Variants in TRIM62 observed in about 807,000 individuals in gnomAD.
TRIM62 encodes E3 ubiquitin-protein ligase TRIM62.
Under a neutral mutation model 44.2 loss-of-function variants are expected in TRIM62, and 39 were observed. The ratio of observed to expected loss-of-function variants is 0.88; its 90% CI spans 0.68 to 1.15. The LOEUF (loss-of-function observed/expected upper bound fraction) is 1.15. Among genes scored for constraint, TRIM62 ranks in the 50% most tolerant of loss-of-function variants. The probability of loss-of-function intolerance (pLI) is 0.00; values close to 1 mark genes in which losing one functional copy is unlikely to be tolerated. For synonymous variants in TRIM62, 278 were observed against 292.3 expected, an observed-to-expected ratio of 0.95 and a Z score of 0.50; for missense variants, 544 against 665.5, an observed-to-expected ratio of 0.82 and a Z score of 2.01.
At position 33,146,581 on chromosome 1, in the gene TRIM62, C is replaced by T. The variant is rs560534886; in HGVS notation, c.*596G>A. On this transcript the variant is annotated 3_prime_UTR_variant, in exon 5 of 5. Transcript: ENST00000291416. Reference sequence around the variant, plus strand: ...CAACTACCAGGTGCCTTCCACAGGCCACAGCATCATCACTGACCAGCAGAT... The same window carrying T: ...CAACTACCAGGTGCCTTCCACAGGCTACAGCATCATCACTGACCAGCAGAT... The T allele has an allele frequency of 1.4e-4, 22 of 161,050 alleles. No individual in the cohort carries two copies. The South Asian group carries it at 3.8e-3, about 28-fold the overall frequency. 10.0% of individuals were successfully genotyped at this position (161,050 alleles called of 1,614,324 possible).
chr1:33,154,160 C>T (rs966405262), intron 4 of TRIM62, among the ~76,000 whole-genome samples: 1 of 152,186 alleles, frequency 6.6e-6, no homozygotes, highest in African/African-American at 2.4e-5. Flanking sequence ...GAATATGGCT[C>T]ATTTAAGATC....
chr1:33,156,843 GTCT>G (rs1167572449), intron 4 of TRIM62, among the ~76,000 whole-genome samples: 1 of 151,964 alleles, frequency 6.6e-6, no homozygotes, highest in East Asian at 1.9e-4. Context: ...TATCTCCCTC[GTCT>G]TCTTTCTTTC....
At chr1:33,175,557 T>G (rs1214170417) in intron 1 of TRIM62, among the ~76,000 whole-genome samples, 1 of 152,198 alleles carries the variant, frequency 6.6e-6, no homozygotes, top group Non-Finnish European at 1.5e-5. Context: ...AGATGGTTTC[T>G]CAGGTTCCTC....
Position 33,158,254 on chromosome 1 carries a change from T to C in TRIM62, c.876A>G (p.Pro292=). 6.2e-7 allele frequency: 1 copy of C among 1,613,684 alleles called. No homozygotes were observed. Among genetic ancestry groups the C allele is most frequent in the Non-Finnish European group, 8.5e-7 (1 of 1,179,674 alleles). Residue 292 remains proline (P), a splice_region_variant and synonymous_variant, in exon 4 of 5, where the codon CCA becomes CCG. Transcript: ENST00000291416. The stretch of plus-strand genomic sequence containing the variant: ...GGACCATGATAACCCATGCCTTACC[T>C]GGGTGGATGTCCTGGAACAGGGACT... ...IWKSLFQDIH[P]VPAALTLDPG... is the part of the protein sequence containing the mutation.
chr1:33,155,773 C>T (rs1645169765), intron 4 of TRIM62, among the ~76,000 whole-genome samples: 1 of 152,214 alleles, frequency 6.6e-6, no homozygotes, highest in African/African-American at 2.4e-5. Flanking sequence ...GACTCAGGAA[C>T]ACACAGGGTT....
At chr1:33,148,736 G>A (rs939196335) in intron 4 of TRIM62, among the ~76,000 whole-genome samples, 3 of 152,210 alleles carry the variant, frequency 2.0e-5, no homozygotes, top group East Asian at 3.9e-4. Context: ...TTATAAAAAG[G>A]TTATATTATC....
chr1:33,154,822 G>A (rs1229280084), intron 4 of TRIM62, among the ~76,000 whole-genome samples: 3 of 148,910 alleles, frequency 2.0e-5, no homozygotes, highest in South Asian at 2.1e-4. Context: ...GGCCAGGCGC[G>A]GTGATTCACG....
At chr1:33,163,776 G>A (rs1427568370) in intron 2 of TRIM62, 1 of 152,444 alleles carries the variant, frequency 6.6e-6, no homozygotes, top group Non-Finnish European at 1.5e-5. Flanking sequence ...AGGCGCAGCA[G>A]GAAAGCCGAG....
Position 33,181,472 on chromosome 1 carries a change from G to T in TRIM62, c.-40C>A, listed in dbSNP as rs1438567856. 1 of 1,543,156 alleles carries T rather than the reference G, an allele frequency of 6.5e-7. No individual in the cohort carries two copies. The highest frequency in any genetic ancestry group is 2.0e-5 in the Admixed American group (1 of 49,420). ...CAGAGAGGGGGGCCCGAGGGGCAGG[G>T]GGGCGGCTGAGAGAGCGCGGCGCTG... On this transcript the variant is annotated 5_prime_UTR_variant, in exon 1 of 5. Transcript: ENST00000291416. This position sits in a 1 kb window ranked among gnomAD's most constrained non-coding sequence, Gnocchi z 6.5.
chr1:33,174,943 G>GCACACACACA (rs1412478876), intron 1 of TRIM62, among the ~76,000 whole-genome samples: 7 of 19,088 alleles, frequency 3.7e-4, no homozygotes, highest in African/African-American at 8.1e-4. Context: ...ACATATATGT[G>GCACACACACA]TGTATATATA....
At chr1:33,169,017 TC>T (rs11287865) in intron 1 of TRIM62, among the ~76,000 whole-genome samples, 113,569 of 152,008 alleles carry the variant, frequency 0.75, 42,523 homozygotes, top group African/African-American at 0.78. Flanking sequence ...TCCTCCTGGA[TC>T]CCGGGAGAAT....
At position 33,165,295 on chromosome 1, in the gene TRIM62, T is replaced by A; in HGVS notation, c.504+176A>T. ...TGGGGTGGGTGCCGCCCCATTGAAC[T>A]TCACGGATGCCCTACCCTCTTCCCC... On this transcript the variant is annotated intron_variant, in intron 2 of 4. Transcript: ENST00000291416. The surrounding 1 kb of genome is among the most constrained non-coding windows in gnomAD (Gnocchi z 4.0). 1.8e-6 allele frequency: 1 copy of A among 556,610 alleles called. No homozygotes were observed. The highest frequency in any genetic ancestry group is 3.2e-6 in the Non-Finnish European group (1 of 317,324). 34.5% of individuals were successfully genotyped at this position (556,610 alleles called of 1,614,324 possible).
chr1:33,172,456 G>T (rs1471586139), intron 1 of TRIM62, among the ~76,000 whole-genome samples: 4 of 152,046 alleles, frequency 2.6e-5, no homozygotes, highest in Non-Finnish European at 5.9e-5. Flanking sequence ...AGCTGGAAAG[G>T]CCAGCTGGGG....
intron 1 of TRIM62, among the ~76,000 whole-genome samples, chr1:33,172,400 T>C (rs1645381556): frequency 1.3e-5 from 2 of 151,428 alleles, no homozygotes; most frequent in South Asian, 4.2e-4. Context: ...GTCGGGGTGG[T>C]TGGGGATGGC....
intron 1 of TRIM62, among the ~76,000 whole-genome samples, chr1:33,174,958 TATATATATATAC>T (rs1260310902): frequency 2.2e-4 from 32 of 146,386 alleles, no homozygotes; most frequent in African/African-American, 8.2e-4. Context: ...TATATATATA[TATATATATATAC>T]ACACATATAC....
At position 33,159,746 on chromosome 1, in the gene TRIM62, G is replaced by T. The variant is rs760519090; in HGVS notation, c.703C>A (p.Arg235=). 47 of 1,612,892 alleles carry T rather than the reference G, an allele frequency of 2.9e-5. No individual in the cohort carries two copies. The highest frequency in any genetic ancestry group is 4.0e-5 in the Non-Finnish European group (47 of 1,179,798). The change falls in exon 3 of 5, where the codon CGG becomes AGG. Residue 235 remains arginine (R), a synonymous_variant. Transcript: ENST00000291416. This position sits in a 1 kb window ranked among gnomAD's most constrained non-coding sequence, Gnocchi z 4.2. ...GTGTGCCGGTCGGTTTCAGCCAGCC[G>T]CTCCTGCAGGATCTGGGCTCCCTCC... ...VQEGAQILQE[R]LAETDRHTFL... is the part of the protein sequence containing the mutation.
At position 33,161,373 on chromosome 1, in the gene TRIM62, G is replaced by A. The variant is rs1297858448; in HGVS notation, c.505-1429C>T. On this transcript the variant is annotated intron_variant, in intron 2 of 4. Transcript: ENST00000291416. This position sits in a 1 kb window ranked among gnomAD's most constrained non-coding sequence, Gnocchi z 4.3. The stretch of plus-strand genomic sequence containing the variant: ...GCGGCCAGGCTGCAGCAGCATGTGG[G>A]GCCTGCCTCTGCAATTTTACTTTGT... Among the ~76,000 whole-genome samples the A allele has an allele frequency of 6.6e-6, 1 of 152,166 alleles. No individual in the cohort carries two copies. The highest frequency in any genetic ancestry group is 2.4e-5 in the African/African-American group (1 of 41,444).
chr1:33,156,546 C>T (rs1226876561), intron 4 of TRIM62, among the ~76,000 whole-genome samples: 4 of 152,214 alleles, frequency 2.6e-5, no homozygotes, highest in African/African-American at 9.7e-5. Flanking sequence ...TCTCGGTCTC[C>T]TTGGCTGGGT....
chr1:33,173,757 G>A (rs908137719), intron 1 of TRIM62, among the ~76,000 whole-genome samples: 1 of 151,600 alleles, frequency 6.6e-6, no homozygotes, highest in South Asian at 2.1e-4. Flanking sequence ...GAAGTGCAGT[G>A]GTGCAATCAT....
Sources: gnomAD v4.1 joint callset for allele counts (sites outside exome capture counted in the v4.1 genomes callset) on GRCh38, gnomAD v4.1.1 for gene constraint, Gnocchi (gnomAD v3.1) non-coding constraint, MANE v1.5 for transcripts, NCBI Gene and HGNC (gene_info 2026-07-23, HGNC 2026-07-21) for gene names.